GCA: variants seen among roughly 807,000 people sequenced by gnomAD.
GCA encodes grancalcin, EF-hand calcium-binding protein.
In GCA, 30 loss-of-function variants were observed where a neutral mutation model predicts 32.6. That is an observed-to-expected ratio of 0.92 (90% CI 0.69 to 1.25). The LOEUF is 1.25. Among genes scored for constraint, GCA ranks in the 50% most tolerant of loss-of-function variants. GCA has a pLI of 0.00. For missense variants in GCA, 291 were observed against 266.8 expected (o/e 1.09, Z -0.63); for synonymous variants, 102 against 84.6 (o/e 1.21, Z -1.13).
downstream of GCA, among the ~76,000 whole-genome samples, chr2:162,367,425 T>TA (rs1428830016): frequency 6.6e-6 from 1 of 151,994 alleles, no homozygotes; most frequent in Admixed American, 6.6e-5. Flanking sequence ...ATCATAGATC[T>TA]AAAGAAGGAC....
At chr2:162,349,210 A>G (rs936580527) in intron 2 of GCA, among the ~76,000 whole-genome samples, 4 of 152,174 alleles carry the variant, frequency 2.6e-5, no homozygotes, top group African/African-American at 9.7e-5. Flanking sequence ...GTGGGGAAAG[A>G]ATGATTCCTG....
At chr2:162,324,695 G>A (rs1683812765) in intron 1 of GCA, among the ~76,000 whole-genome samples, 1 of 152,016 alleles carries the variant, frequency 6.6e-6, no homozygotes, top group Non-Finnish European at 1.5e-5. Context: ...CCTAGCTAGG[G>A]ATCACACCCT....
At chr2:162,333,673 TA>T (rs545468999) in intron 1 of GCA, among the ~76,000 whole-genome samples, 116 of 152,256 alleles carry the variant, frequency 7.6e-4, no homozygotes, top group Non-Finnish European at 1.3e-3. Flanking sequence ...ATAATCTATA[TA>T]AAAATACTTT....
At chr2:162,340,415 A>G (rs996234850), upstream of GCA, among the ~76,000 whole-genome samples, 5 of 152,202 alleles carry the variant, frequency 3.3e-5, no homozygotes, top group Non-Finnish European at 7.3e-5. Flanking sequence ...ATACCTTAAA[A>G]ACAGAATAAT....
chr2:162,363,654 A>G (rs941772236), downstream of GCA, among the ~76,000 whole-genome samples: 1 of 151,452 alleles, frequency 6.6e-6, no homozygotes, highest in Non-Finnish European at 1.5e-5. Flanking sequence ...GAAACTTAGG[A>G]AAAATATTTC....
At chr2:162,352,925 T>A (rs1685075056) in intron 3 of GCA, among the ~76,000 whole-genome samples, 1 of 152,152 alleles carries the variant, frequency 6.6e-6, no homozygotes, top group Admixed American at 6.5e-5. Context: ...AATGTATGAT[T>A]ACTTTTCCTT....
At chr2:162,356,509 T>G in intron 4 of GCA, 28 bp downstream of exon 4, 1 of 1,389,200 alleles carries the variant, frequency 7.2e-7, no homozygotes, top group Middle Eastern at 1.8e-4. Flanking sequence ...TAGAAAATAC[T>G]AGAATAAAGA....
chr2:162,375,035 T>A (rs1037575431), downstream of GCA, among the ~76,000 whole-genome samples: 5 of 152,196 alleles, frequency 3.3e-5, no homozygotes, highest in Non-Finnish European at 7.3e-5. Flanking sequence ...TATTTTTCTT[T>A]CATTTCACTC....
chr2:162,339,737 G>T (rs945767171), upstream of GCA, among the ~76,000 whole-genome samples: 3 of 152,162 alleles, frequency 2.0e-5, no homozygotes, highest in Non-Finnish European at 2.9e-5. Flanking sequence ...CAGGGAGAAG[G>T]CAGCCATCTG....
intron 1 of GCA, among the ~76,000 whole-genome samples, chr2:162,325,157 A>T (rs1165393034): frequency 6.6e-6 from 1 of 152,168 alleles, no homozygotes; most frequent in Admixed American, 6.5e-5. Context: ...AAGAAATTAA[A>T]CCTCTTATGG....
downstream of GCA, among the ~76,000 whole-genome samples, chr2:162,372,248 G>A (rs551275157): frequency 4.6e-5 from 7 of 152,204 alleles, no homozygotes; most frequent in East Asian, 1.4e-3. Flanking sequence ...AATGAGTCAG[G>A]ACGTCGGAGA....
chr2:162,331,283 C>T (rs940101101), intron 1 of GCA, among the ~76,000 whole-genome samples: 2 of 152,184 alleles, frequency 1.3e-5, no homozygotes, highest in Non-Finnish European at 2.9e-5. Flanking sequence ...TTTCACTGTT[C>T]TGCACTTTGC....
chr2:162,350,820 G>T (rs1194687742), intron 2 of GCA, among the ~76,000 whole-genome samples: 2 of 152,102 alleles, frequency 1.3e-5, no homozygotes, highest in African/African-American at 4.8e-5. Context: ...GTAGATATTA[G>T]GAATATATAA....
intron 1 of GCA, among the ~76,000 whole-genome samples, chr2:162,325,684 A>T (rs990746116): frequency 6.6e-6 from 1 of 152,060 alleles, no homozygotes; most frequent in East Asian, 1.9e-4. Flanking sequence ...CTTCCCTGAC[A>T]CTATATGTGA....
exon 1 of GCA, chr2:162,319,046 C>T (rs1014223687): frequency 4.7e-6 from 2 of 423,300 alleles, no homozygotes; most frequent in African/African-American, 4.1e-5. Flanking sequence ...GAGTTACCCT[C>T]GGCTGGTGAA....
At chr2:162,332,392 A>G (rs1481635261) in intron 1 of GCA, among the ~76,000 whole-genome samples, 2 of 147,628 alleles carry the variant, frequency 1.4e-5, no homozygotes, top group East Asian at 1.9e-4. Context: ...TAATATATAT[A>G]AAAATATATA....
intron 1 of GCA, among the ~76,000 whole-genome samples, chr2:162,338,639 T>C (rs1380045968): frequency 1.3e-5 from 2 of 152,176 alleles, no homozygotes; most frequent in African/African-American, 4.8e-5. Flanking sequence ...TATCATCCCA[T>C]GTTATCTAGG....
At chr2:162,322,873 T>G (rs979696007) in intron 1 of GCA, among the ~76,000 whole-genome samples, 1 of 151,794 alleles carries the variant, frequency 6.6e-6, no homozygotes, top group African/African-American at 2.4e-5. Flanking sequence ...AACATACATG[T>G]GCATGTGTCT....
intron 3 of GCA, among the ~76,000 whole-genome samples, chr2:162,354,433 T>C (rs1220323226): frequency 6.6e-6 from 1 of 152,216 alleles, no homozygotes; most frequent in Non-Finnish European, 1.5e-5. Context: ...TAGCCCTGTC[T>C]CAGCTCTGGT....
Sources: allele counts gnomAD v4.1 joint callset (sites outside exome capture counted in the v4.1 genomes callset), GRCh38; gene constraint gnomAD v4.1.1; transcripts MANE v1.5; gene names NCBI Gene and HGNC (gene_info 2026-07-23, HGNC 2026-07-21).